The following GUCY2C variants were observed in gnomAD, a reference collection of about 807,000 sequenced individuals.
GUCY2C encodes the protein guanylate cyclase 2C, also known as guanylyl cyclase C.
In GUCY2C, 118 loss-of-function variants were observed where a neutral mutation model predicts 131.1. The observed-to-expected ratio is 0.90, with a 90% CI of 0.78 to 1.05. The LOEUF is 1.05. Ranked by LOEUF, GUCY2C falls within the 50% of genes least tolerant of loss-of-function variation. GUCY2C has a pLI of 0.00. For missense variants in GUCY2C, 1,161 were observed against 1,304.4 expected, an observed-to-expected ratio of 0.89 and a Z score of 1.69; for synonymous variants, 452 against 457.8, an observed-to-expected ratio of 0.99 and a Z score of 0.16.
chr12:14,655,925 C>T (rs77208242), intron 12 of GUCY2C, among the ~76,000 whole-genome samples: 105 of 152,266 alleles, frequency 6.9e-4, no homozygotes, highest in Middle Eastern at 3.4e-3. Context: ...TTGTATGTGT[C>T]CCTGCACTGT....
Position 14,660,985 on chromosome 12 carries a change from G to A in GUCY2C, c.1360C>T (p.Leu454Phe). 1.2e-6 allele frequency: 2 copies of A among 1,606,082 alleles called. No homozygotes were observed. Among genetic ancestry groups the A allele is most frequent in the South Asian group, 1.1e-5 (1 of 90,934 alleles). ...VLLLLVALLM[L>F]RKYRKDYELR... ...GCATGATAGAGGCGGCTGTACCTGAGCATCAGGAGAGCGACGAGCAGGAGC... is the reference window on the plus strand; with the variant it reads ...GCATGATAGAGGCGGCTGTACCTGAACATCAGGAGAGCGACGAGCAGGAGC... The change falls in exon 11 of 27, where the codon CTC becomes TTC. Residue 454 changes from leucine to phenylalanine, a missense_variant. Leu to Phe is a conservative substitution (Grantham distance 22). Coordinates refer to ENST00000261170, the MANE Select transcript of GUCY2C (RefSeq NM_004963.4).
chr12:14,669,885 C>G (rs746992274), intron 9 of GUCY2C, 52 bp from the exon 10 acceptor site: 2 of 716,402 alleles, frequency 2.8e-6, no homozygotes, highest in Non-Finnish European at 4.8e-6. Context: ...CATTATAGAA[C>G]AAATTATGGT....
At chr12:14,627,287 T>C (rs755997371) in intron 20 of GUCY2C, among the ~76,000 whole-genome samples, 3 of 152,212 alleles carry the variant, frequency 2.0e-5, no homozygotes, top group Non-Finnish European at 4.4e-5. Flanking sequence ...GAGATGTTTG[T>C]TAAAAATCCA....
rs1252816144 is a variant in GUCY2C, at chr12:14,660,973, G to A, written c.1364+8C>T. ...TACCGAACACAGGCATGATAGAGGC[G>A]GCTGTACCTGAGCATCAGGAGAGCG... On this transcript the variant is annotated splice_region_variant and intron_variant, in intron 11 of 26. Coordinates refer to ENST00000261170, the MANE Select transcript of GUCY2C (RefSeq NM_004963.4). 2.6e-5 allele frequency: 42 copies of A among 1,590,700 alleles called. No homozygotes were observed. The highest frequency in any genetic ancestry group is 3.2e-5 in the Non-Finnish European group (37 of 1,158,946).
intron 26 of GUCY2C, 57 bp downstream of exon 26, chr12:14,614,810 C>T (rs567926622): frequency 1.3e-5 from 14 of 1,079,896 alleles, no homozygotes; most frequent in Admixed American, 4.6e-5. Context: ...TTGGCTGTAA[C>T]TAACAAAGCC....
chr12:14,662,698 AG>A (rs1380375566), intron 10 of GUCY2C, among the ~76,000 whole-genome samples: 1 of 151,836 alleles, frequency 6.6e-6, no homozygotes, highest in African/African-American at 2.4e-5. Flanking sequence ...AAAAAAAGAA[AG>A]ATGTTATCAC....
Position 14,688,009 on chromosome 12 carries a change from T to C in GUCY2C, c.272A>G (p.Asn91Ser). Residue 91 changes from asparagine (N) to serine (S), a missense_variant, in exon 2 of 27, where the codon AAC becomes AGC. Transcript: ENST00000261170. The stretch of plus-strand genomic sequence containing the variant: ...GGTGCTACTCCGGCAGTCGCCTGAG[T>C]TATGAATCAGACCATCCGAATACAT... Reference protein sequence around the residue: ...TFMYSDGLIHNSGDCRSSTCE... With the variant: ...TFMYSDGLIHSSGDCRSSTCE... 1 of 1,614,004 alleles carries C rather than the reference T, an allele frequency of 6.2e-7. No individual in the cohort carries two copies. The highest frequency in any genetic ancestry group is 8.5e-7 in the Non-Finnish European group (1 of 1,179,866).
At chr12:14,686,315 G>C in intron 2 of GUCY2C, 90 bp from the exon 3 acceptor site, 1 of 934,446 alleles carries the variant, frequency 1.1e-6, no homozygotes, top group East Asian at 2.6e-5. Flanking sequence ...GCTCCCAGAG[G>C]TTTAGAAAGT....
chr12:14,679,703 G>C lies in GUCY2C; in HGVS notation c.784C>G (p.Arg262Gly), dbSNP rs762829348. ...PEFLYKLKGD[R>G]AVAEDIVIIL... is the part of the protein sequence containing the mutation. ...ATGACAATGTCTTCAGCCACTGCTCGGTCACCCTTCAGCTTGTAGAGGAAC... is the reference window on the plus strand; with the variant it reads ...ATGACAATGTCTTCAGCCACTGCTCCGTCACCCTTCAGCTTGTAGAGGAAC... The change falls in exon 6 of 27, where the codon CGA (arginine) becomes GGA (glycine). Residue 262 changes from arginine (R) to glycine (G), a missense_variant. Transcript: ENST00000261170. The C allele has an allele frequency of 8.7e-6, 14 of 1,601,680 alleles. No homozygotes were observed. The highest frequency in any genetic ancestry group is 4.0e-5 in the African/African-American group (3 of 74,606).
intron 18 of GUCY2C, among the ~76,000 whole-genome samples, chr12:14,640,365 G>A (rs940786529): frequency 1.3e-5 from 2 of 150,404 alleles, no homozygotes; most frequent in Non-Finnish European, 2.9e-5. Context: ...GCTGAGCCAT[G>A]AGGATTGCTT....
chr12:14,670,501 A>T (rs1948083045), intron 9 of GUCY2C, among the ~76,000 whole-genome samples: 1 of 152,122 alleles, frequency 6.6e-6, no homozygotes, highest in Admixed American at 6.5e-5. Flanking sequence ...TTTGTAAGGG[A>T]GATCTGAAAG....
At chr12:14,684,799 T>G (rs1948439663) in intron 3 of GUCY2C, among the ~76,000 whole-genome samples, 1 of 151,766 alleles carries the variant, frequency 6.6e-6, no homozygotes, top group Non-Finnish European at 1.5e-5. Context: ...CCTCCCACAT[T>G]GCTGGGACTA....
At chr12:14,686,287 A>G (rs1020996453) in intron 2 of GUCY2C, 62 bp from the exon 3 acceptor site, 1 of 1,188,928 alleles carries the variant, frequency 8.4e-7, no homozygotes, top group African/African-American at 1.5e-5. Flanking sequence ...TGGACAGGAA[A>G]GAAGTAGCAA....
At chr12:14,673,590 T>C (rs1344197962) in intron 8 of GUCY2C, among the ~76,000 whole-genome samples, 1 of 152,220 alleles carries the variant, frequency 6.6e-6, no homozygotes, top group Non-Finnish European at 1.5e-5. Context: ...TATCATGATA[T>C]AGAAACTATT....
chr12:14,676,946 T>C lies in GUCY2C; in HGVS notation c.856A>G (p.Thr286Ala). 6.5e-7 allele frequency: 1 copy of C among 1,548,780 alleles called. No individual in the cohort carries two copies. Among genetic ancestry groups the C allele is most frequent in the Non-Finnish European group, 8.8e-7 (1 of 1,131,726 alleles). The change falls in exon 7 of 27, where the codon ACA (threonine) becomes GCA (alanine). Residue 286 changes from threonine to alanine, a missense_variant. Coordinates refer to ENST00000261170, the MANE Select transcript of GUCY2C (RefSeq NM_004963.4). ...FNDQYFEDNV[T>A]APDYMKNVLV... ...ACATTTTTCATATAGTCAGGGGCTG[T>C]GACATTGTCCTCAAAGTACTGGTCA...
chr12:14,623,612 A>C lies in GUCY2C; in HGVS notation c.2409-1415T>G, dbSNP rs56000627. 9.8e-3 allele frequency among the ~76,000 whole-genome samples: 1,493 copies of C among 152,282 alleles called. 8 individuals carry two copies. Among genetic ancestry groups the C allele is most frequent in the Non-Finnish European group, 0.015 (1,004 of 68,020 alleles). On this transcript the variant is annotated intron_variant, in intron 21 of 26. Coordinates refer to ENST00000261170, the MANE Select transcript of GUCY2C (RefSeq NM_004963.4). ...TCTGAAAAGTCACATGAGTTTGGTG[A>C]TATGGTTTGGCTCCGTGTCCCCACC...
intron 15 of GUCY2C, among the ~76,000 whole-genome samples, chr12:14,647,186 C>A (rs1947539609): frequency 6.6e-6 from 1 of 152,162 alleles, no homozygotes; most frequent in Admixed American, 6.5e-5. Context: ...GTATTCTTAG[C>A]CCATGTGTTT....
At chr12:14,621,265 G>C (rs1251510962) in intron 22 of GUCY2C, 49 bp from the exon 23 acceptor site, 1 of 1,484,038 alleles carries the variant, frequency 6.7e-7, no homozygotes, top group East Asian at 2.3e-5. Context: ...GAAAAGTATA[G>C]AAAGTAAACA....
chr12:14,656,282 G>A (rs1018222130), intron 12 of GUCY2C, among the ~76,000 whole-genome samples: 42 of 152,142 alleles, frequency 2.8e-4, no homozygotes, highest in East Asian at 7.7e-4. Context: ...TGCAAAGAAC[G>A]AGAACACACC....
Sources: allele counts gnomAD v4.1 joint callset (sites outside exome capture counted in the v4.1 genomes callset), GRCh38; gene constraint gnomAD v4.1.1; transcripts MANE v1.5; gene names NCBI Gene and HGNC (gene_info 2026-07-23, HGNC 2026-07-21).